Variants in RPH3A observed in about 807,000 individuals in gnomAD.
The protein encoded by RPH3A is rabphilin-3A.
In RPH3A, 48 loss-of-function variants were observed where a neutral mutation model predicts 102.2. That is an observed-to-expected ratio of 0.47 (90% CI 0.37 to 0.60). RPH3A has a LOEUF of 0.60. Among genes scored for constraint, RPH3A ranks in the 20% least tolerant of loss-of-function variants. The probability of loss-of-function intolerance (pLI) is 0.00; values close to 1 mark genes in which losing one functional copy is unlikely to be tolerated. For synonymous variants in RPH3A, 310 were observed against 324.3 expected (o/e 0.96, Z 0.47); for missense variants, 781 against 910.1 (o/e 0.86, Z 1.83).
intron 2 of RPH3A, among the ~76,000 whole-genome samples, chr12:112,817,917 G>C (rs1475354127): frequency 6.6e-6 from 1 of 152,124 alleles, no homozygotes; most frequent in East Asian, 1.9e-4. Context: ...ATCCCTGTTT[G>C]CTGCAAGGTA....
intron 2 of RPH3A, among the ~76,000 whole-genome samples, chr12:112,822,869 C>G (rs764622403): frequency 1.3e-5 from 2 of 152,200 alleles, no homozygotes; most frequent in Non-Finnish European, 2.9e-5. Context: ...GATATTTGAA[C>G]TTTCAGTTGT....
intron 1 of RPH3A, among the ~76,000 whole-genome samples, chr12:112,651,233 CA>C (rs1033520482): frequency 1.3e-5 from 2 of 151,936 alleles, no homozygotes; most frequent in African/African-American, 4.8e-5. Flanking sequence ...CATGGTGGTG[CA>C]TGCTTGTAGT....
intron 1 of RPH3A, among the ~76,000 whole-genome samples, chr12:112,665,663 T>C (rs2040078954): frequency 6.6e-6 from 1 of 152,238 alleles, no homozygotes; most frequent in African/African-American, 2.4e-5. Context: ...TGTTTGAATT[T>C]GAATGTTTGC....
intron 3 of RPH3A, among the ~76,000 whole-genome samples, chr12:112,836,206 A>G (rs1353239100): frequency 4.6e-5 from 7 of 152,348 alleles, no homozygotes; most frequent in Non-Finnish European, 1.5e-5. Context: ...ATTCCTTTTT[A>G]GTGCCCTTAA....
intron 1 of RPH3A, among the ~76,000 whole-genome samples, chr12:112,700,068 C>CTT (rs879523107): frequency 6.9e-6 from 1 of 144,326 alleles, no homozygotes; most frequent in Non-Finnish European, 1.5e-5. Context: ...TTAATGAATT[C>CTT]TTTTTTTTTT....
intron 20 of RPH3A, 120 bp downstream of exon 20, chr12:112,894,779 T>C: frequency 1.2e-6 from 1 of 818,434 alleles, no homozygotes; most frequent in South Asian, 1.9e-5. Context: ...CCATTTGAAA[T>C]GATGATGTAG....
chr12:112,639,671 C>G (rs547631280), intron 1 of RPH3A, among the ~76,000 whole-genome samples: 2 of 152,142 alleles, frequency 1.3e-5, no homozygotes, highest in African/African-American at 2.4e-5. Context: ...CCCCTCCCCC[C>G]ACAAAGATGC....
intron 6 of RPH3A, among the ~76,000 whole-genome samples, chr12:112,865,759 C>T (rs1457973280): frequency 6.7e-6 from 1 of 149,028 alleles, no homozygotes. Context: ...TCTGAGCCTT[C>T]TGTCTCTTAG....
chr12:112,890,068 T>G lies in RPH3A; in HGVS notation c.1608T>G (p.Leu536=). The G allele has an allele frequency of 5.6e-6, 9 of 1,613,778 alleles. No homozygotes were observed. Among genetic ancestry groups the G allele is most frequent in the Non-Finnish European group, 7.6e-6 (9 of 1,180,016 alleles). Residue 536 remains leucine, a synonymous_variant, in exon 18 of 22, where the codon CTT becomes CTG. Transcript: ENST00000389385. ...GTTGSARGMA[L]YEEEQVERVG... ...CCGGGTCAGCCCGAGGCATGGCCCT[T>G]TATGAGGAAGAGGTGAGCACTGAGC... is the stretch of plus-strand genomic sequence containing the variant.
intron 8 of RPH3A, chr12:112,869,531 T>C (rs975192899): frequency 1.8e-6 from 1 of 549,046 alleles, no homozygotes; most frequent in Admixed American, 3.3e-5. Flanking sequence ...TATAGCATAA[T>C]TGTTCTTTAT....
chr12:112,887,794 C>A lies in RPH3A; in HGVS notation c.1437-3C>A. ...TCTCTCTACCCCCTTGTGTTGGTGG[C>A]AGGATCTCCGTCTGTGATGAGGACA... is the stretch of plus-strand genomic sequence containing the variant. On this transcript the variant is annotated splice_region_variant and splice_polypyrimidine_tract_variant and intron_variant, in intron 16 of 21. Coordinates refer to ENST00000389385, the MANE Select transcript of RPH3A (RefSeq NM_001143854.2). 6.2e-7 allele frequency: 1 copy of A among 1,612,986 alleles called. No individual in the cohort carries two copies. The highest frequency in any genetic ancestry group is 8.5e-7 in the Non-Finnish European group (1 of 1,179,328).
At chr12:112,758,100 C>T (rs1431508844) in intron 1 of RPH3A, among the ~76,000 whole-genome samples, 1 of 152,170 alleles carries the variant, frequency 6.6e-6, no homozygotes, top group Non-Finnish European at 1.5e-5. Context: ...GCATGAAGTA[C>T]TGTAGAATCC....
At chr12:112,750,667 C>T (rs2040780507) in intron 1 of RPH3A, among the ~76,000 whole-genome samples, 1 of 152,108 alleles carries the variant, frequency 6.6e-6, no homozygotes, top group Admixed American at 6.6e-5. Flanking sequence ...TATCCAACTC[C>T]CCTCTTGAAA....
chr12:112,869,424 T>G (rs953713125), intron 8 of RPH3A: 1 of 244,508 alleles, frequency 4.1e-6, no homozygotes, highest in African/African-American at 2.3e-5. Flanking sequence ...TTGCAGAGAA[T>G]CACCAAATTG....
chr12:112,615,308 C>T (rs982539932), intron 1 of RPH3A, among the ~76,000 whole-genome samples: 1 of 152,138 alleles, frequency 6.6e-6, no homozygotes, highest in African/African-American at 2.4e-5. Flanking sequence ...TGGCTTCCTG[C>T]CCCCAGCCAT....
intron 1 of RPH3A, among the ~76,000 whole-genome samples, chr12:112,748,024 G>T (rs2040760391): frequency 6.6e-6 from 1 of 152,202 alleles, no homozygotes; most frequent in African/African-American, 2.4e-5. Flanking sequence ...GATGGAGACA[G>T]GTGGCTCCAT....
At chr12:112,831,133 G>A (rs1427291665) in intron 3 of RPH3A, among the ~76,000 whole-genome samples, 15 of 150,460 alleles carry the variant, frequency 1.0e-4, no homozygotes, top group Admixed American at 6.6e-4. Context: ...AAAAACAGGC[G>A]GCTGACTGTA....
intron 1 of RPH3A, among the ~76,000 whole-genome samples, chr12:112,767,861 G>A (rs751731223): frequency 1.3e-5 from 2 of 152,176 alleles, no homozygotes; most frequent in Non-Finnish European, 2.9e-5. Flanking sequence ...GAAACCTGCT[G>A]CAAAAGGCCA....
At chr12:112,888,569 C>A (rs2043041803) in intron 17 of RPH3A, among the ~76,000 whole-genome samples, 1 of 152,216 alleles carries the variant, frequency 6.6e-6, no homozygotes, top group Admixed American at 6.5e-5. Context: ...TATTTAATTT[C>A]TCTGGGCCTC....
Sources: gnomAD v4.1 joint callset for allele counts (sites outside exome capture counted in the v4.1 genomes callset) on GRCh38, gnomAD v4.1.1 for gene constraint, MANE v1.5 for transcripts, NCBI Gene and HGNC (gene_info 2026-07-23, HGNC 2026-07-21) for gene names.